The following N4BP2 variants were observed in gnomAD, a reference collection of about 807,000 sequenced individuals.
N4BP2 encodes the protein NEDD4-binding protein 2.
In N4BP2, 91 loss-of-function variants were observed where a neutral mutation model predicts 152.8. That is an observed-to-expected ratio of 0.60 (90% confidence interval 0.50 to 0.71). N4BP2 has a LOEUF of 0.71. Ranked by LOEUF, N4BP2 falls within the 30% of genes least tolerant of loss-of-function variation. N4BP2 has a pLI of 0.00. For synonymous variants in N4BP2, 646 were observed against 705.3 expected (o/e 0.92, Z 1.33); for missense variants, 1,923 against 2,059.1 (o/e 0.93, Z 1.28).
chr4:40,092,391 A>G (rs2109942323), intron 2 of N4BP2, among the ~76,000 whole-genome samples: 2 of 151,748 alleles, frequency 1.3e-5, no homozygotes, highest in East Asian at 3.9e-4. Context: ...TTTTTGAGAC[A>G]TTGGTCCATT....
chr4:40,099,105 G>C (rs1715376072), intron 3 of N4BP2, among the ~76,000 whole-genome samples: 1 of 152,038 alleles, frequency 6.6e-6, no homozygotes, highest in South Asian at 2.1e-4. Context: ...TTGCGTCACA[G>C]GGTAAGAACT....
rs1391905970 is a variant in N4BP2 at position 40,154,425 on chromosome 4, G to A, written c.*188G>A. ...ATTTTTTACTGAATCAAATGCAAAT[G>A]TTACCTGTTAAAGATATTACAGAGA... On this transcript the variant is annotated 3_prime_UTR_variant, in exon 18 of 18. Transcript: ENST00000261435. 2.1e-6 allele frequency: 1 copy of A among 484,066 alleles called. No individual in the cohort carries two copies. The highest frequency in any genetic ancestry group is 3.6e-6 in the Non-Finnish European group (1 of 277,988). The allele number at this position is 484,066 out of a possible 1,614,324, so 30.0% of individuals were successfully genotyped here.
chr4:40,123,694 A>G (rs1487315051), intron 10 of N4BP2, among the ~76,000 whole-genome samples: 1 of 151,004 alleles, frequency 6.6e-6, no homozygotes, highest in African/African-American at 2.4e-5. Flanking sequence ...TATGTTGCCC[A>G]GGTTGGTTTT....
the N4BP2 span, among the ~76,000 whole-genome samples, chr4:40,179,623 C>G: frequency 6.6e-6 from 1 of 152,120 alleles, no homozygotes; most frequent in African/African-American, 2.4e-5. Flanking sequence ...ACAGCATAAT[C>G]AAGATTTAAA....
chr4:40,189,123 C>T, the N4BP2 span, among the ~76,000 whole-genome samples: 70 of 151,650 alleles, frequency 4.6e-4, no homozygotes, highest in African/African-American at 1.5e-3. The surrounding 1 kb of genome is among the most constrained non-coding windows in gnomAD (Gnocchi z 4.3). Flanking sequence ...TCCAGCCTGG[C>T]GCCAGAGCGG....
chr4:40,094,631 A>T (rs139493820), intron 2 of N4BP2, among the ~76,000 whole-genome samples: 5 of 151,160 alleles, frequency 3.3e-5, no homozygotes, highest in South Asian at 4.2e-4. Context: ...TCTCAGCTCA[A>T]TGCAACCTCT....
intron 2 of N4BP2, among the ~76,000 whole-genome samples, chr4:40,088,840 T>A (rs1299903600): frequency 1.3e-5 from 2 of 152,222 alleles, no homozygotes; most frequent in Admixed American, 1.3e-4. Flanking sequence ...TGGTTAGTGA[T>A]GTTGAACATC....
At chr4:40,106,524 C>T (rs980204335) in intron 4 of N4BP2, among the ~76,000 whole-genome samples, 3 of 151,800 alleles carry the variant, frequency 2.0e-5, no homozygotes, top group East Asian at 1.9e-4. Context: ...GCTATGTTGC[C>T]GAGGCTGATT....
intron 5 of N4BP2, among the ~76,000 whole-genome samples, chr4:40,110,130 T>C (rs944143241): frequency 7.9e-5 from 12 of 152,366 alleles, no homozygotes; most frequent in African/African-American, 2.2e-4. Context: ...TCAAGCTTCA[T>C]CCATGTTGTA....
At chr4:40,082,275 C>CAAAAAAA (rs370100487) in intron 2 of N4BP2, among the ~76,000 whole-genome samples, 3 of 95,022 alleles carry the variant, frequency 3.2e-5, no homozygotes, top group African/African-American at 8.5e-5. Context: ...GACCCTGTCT[C>CAAAAAAA]AAAAAAAAAA....
At chr4:40,186,435 A>G in the N4BP2 span, among the ~76,000 whole-genome samples, 1 of 152,228 alleles carries the variant, frequency 6.6e-6, no homozygotes, top group Non-Finnish European at 1.5e-5. Flanking sequence ...GATGCTCATT[A>G]CAGAACATTT....
At chr4:40,061,698 CT>C in intron 1 of N4BP2, among the ~76,000 whole-genome samples, 1 of 148,910 alleles carries the variant, frequency 6.7e-6, no homozygotes, top group African/African-American at 2.5e-5. Context: ...GAGTTTTGCT[CT>C]TGTTGCCCAG....
In N4BP2 at chr4:40,112,096, T is replaced by A. The variant is rs554314556; in HGVS notation, c.1511T>A (p.Phe504Tyr). The A allele has an allele frequency of 9.2e-5, 140 of 1,516,926 alleles. 7 individuals carry two copies. The South Asian group carries it at 1.1e-3, about 12-fold the overall frequency. The allele number at this position is 1,516,926 out of a possible 1,614,324, so 94.0% of individuals were successfully genotyped here. A position where few individuals can be genotyped will look rare whatever the true frequency, so the allele number is the denominator to read the frequency against. Residue 504 changes from phenylalanine (F) to tyrosine (Y), a missense_variant, in exon 6 of 18, where the codon TTT becomes TAT. Phe to Tyr is a conservative substitution (Grantham distance 22). Coordinates refer to ENST00000261435, the MANE Select transcript of N4BP2 (RefSeq NM_018177.6). ...EWNQNRAKEA[F>Y]EKKISPIIID... Reference sequence around the variant, plus strand: ...TTATGTTTTTCAGCAAAAGAAGCATTTGAGAAGAAGATATCTCCTATAATT... The same window carrying A: ...TTATGTTTTTCAGCAAAAGAAGCATATGAGAAGAAGATATCTCCTATAATT...
chr4:40,062,684 C>G (rs1733760184), intron 1 of N4BP2, among the ~76,000 whole-genome samples: 1 of 151,504 alleles, frequency 6.6e-6, no homozygotes, highest in South Asian at 2.1e-4. Context: ...TTGTATTTCT[C>G]CCTGAAGGGG....
chr4:40,074,173 TTCCGTC>T (rs1445877313), intron 2 of N4BP2, among the ~76,000 whole-genome samples: 2 of 116,194 alleles, frequency 1.7e-5, no homozygotes, highest in Non-Finnish European at 3.9e-5. Context: ...TCACTGCAAC[TTCCGTC>T]TCCTGGGTTC....
At chr4:40,189,490 G>A in the N4BP2 span, among the ~76,000 whole-genome samples, 1 of 152,200 alleles carries the variant, frequency 6.6e-6, no homozygotes, top group Non-Finnish European at 1.5e-5. This position sits in a 1 kb window ranked among gnomAD's most constrained non-coding sequence, Gnocchi z 4.3. Flanking sequence ...CCGCTCGCAG[G>A]TATGGGCAGA....
At chr4:40,177,847 C>A in the N4BP2 span, among the ~76,000 whole-genome samples, 1 of 152,144 alleles carries the variant, frequency 6.6e-6, no homozygotes, top group East Asian at 1.9e-4. Context: ...GGGACAGCAA[C>A]TTTATTTTCA....
At chr4:40,097,201 G>A (rs895654952) in intron 2 of N4BP2, 26 bp from the exon 3 acceptor site, 5 of 653,960 alleles carry the variant, frequency 7.6e-6, no homozygotes, top group Non-Finnish European at 1.3e-5. Flanking sequence ...TATAGTCTGA[G>A]TGTTTTTAAT....
At chr4:40,127,509 C>T (rs1718519688) in intron 12 of N4BP2, among the ~76,000 whole-genome samples, 1 of 152,070 alleles carries the variant, frequency 6.6e-6, no homozygotes, top group Non-Finnish European at 1.5e-5. Context: ...ACCACCATGC[C>T]CAGCCAGCTG....
Sources: gnomAD v4.1 joint callset for allele counts (sites outside exome capture counted in the v4.1 genomes callset) on GRCh38, gnomAD v4.1.1 for gene constraint, Gnocchi (gnomAD v3.1) non-coding constraint, MANE v1.5 for transcripts, NCBI Gene and HGNC (gene_info 2026-07-23, HGNC 2026-07-21) for gene names.